Variants in KANSL1 observed in about 807,000 individuals in gnomAD.
The protein encoded by KANSL1 is MLL1/MLL complex subunit KANSL1.
KANSL1 carries 22 observed loss-of-function variants against 103.6 expected under a neutral mutation model. The ratio of observed to expected loss-of-function variants is 0.21; its 90% CI spans 0.15 to 0.30. KANSL1 has a LOEUF of 0.30. KANSL1 is among the 10% of genes least tolerant of loss of function. The pLI, the probability that KANSL1 is intolerant of heterozygous loss-of-function variation, is 1.00. For missense variants in KANSL1, 1,337 were observed against 1,399.8 expected (o/e 0.96, Z 0.72); for synonymous variants, 600 against 527.6 (o/e 1.14, Z -1.88).
At chr17:46,205,571 C>A (rs1179953376) in intron 1 of KANSL1, among the ~76,000 whole-genome samples, 2 of 151,268 alleles carry the variant, frequency 1.3e-5, no homozygotes, top group African/African-American at 4.9e-5. Context: ...ATCCCAGCTA[C>A]TCAGGAGGCT....
At chr17:46,198,422 T>TTAA (rs1567797004), upstream of KANSL1, among the ~76,000 whole-genome samples, 3 of 96,118 alleles carry the variant, frequency 3.1e-5, no homozygotes, top group Admixed American at 1.1e-4. Flanking sequence ...CTACTTTAAT[T>TTAA]AAAAAAAAAA....
rs776853040 is a variant in KANSL1, at chr17:46,034,300, T to C, written c.2542-15A>G. ...ACTGGCTGCTGCTGTAAGATAAAAA[T>C]TAAGTTTAAAAGGAAGGTACAATTT... is the stretch of plus-strand genomic sequence containing the variant. On this transcript the variant is annotated splice_polypyrimidine_tract_variant and intron_variant, in intron 10 of 14. Coordinates refer to ENST00000432791, the MANE Select transcript of KANSL1 (RefSeq NM_015443.4). 3 of 1,612,876 alleles carry C rather than the reference T, an allele frequency of 1.9e-6. No homozygotes were observed. The highest frequency in any genetic ancestry group is 2.5e-6 in the Non-Finnish European group (3 of 1,179,562).
At chr17:46,036,839 G>A (rs1240622754) in intron 10 of KANSL1, among the ~76,000 whole-genome samples, 2 of 152,004 alleles carry the variant, frequency 1.3e-5, no homozygotes, top group Non-Finnish European at 2.9e-5. Context: ...CTGCCTCAGA[G>A]TAGCTGGAAC....
At chr17:46,044,767 A>T (rs1412771098) in intron 7 of KANSL1, 1 of 152,090 alleles carries the variant, frequency 6.6e-6, no homozygotes, top group Non-Finnish European at 1.5e-5. Context: ...CACACACTTA[A>T]TGAGAGGGGC....
intron 6 of KANSL1, among the ~76,000 whole-genome samples, chr17:46,055,611 G>C (rs1033835298): frequency 6.6e-6 from 1 of 152,046 alleles, no homozygotes; most frequent in Non-Finnish European, 1.5e-5. Flanking sequence ...AGACTTGAGG[G>C]GGGAGGGGAG....
chr17:46,185,920 T>C (rs1480536391), intron 1 of KANSL1, among the ~76,000 whole-genome samples: 2 of 152,136 alleles, frequency 1.3e-5, no homozygotes, highest in Non-Finnish European at 2.9e-5. Flanking sequence ...ATCCTACTTC[T>C]ATGCTAGCAC....
intron 1 of KANSL1, among the ~76,000 whole-genome samples, chr17:46,179,810 T>C (rs1567774672): frequency 6.6e-6 from 1 of 152,250 alleles, no homozygotes. Context: ...GACTCATGCC[T>C]ATAATCCCAG....
At chr17:46,128,534 A>G (rs2043687599) in intron 2 of KANSL1, among the ~76,000 whole-genome samples, 1 of 152,246 alleles carries the variant, frequency 6.6e-6, no homozygotes, top group Non-Finnish European at 1.5e-5. Context: ...GTAAGAGGAC[A>G]GAGAGTGAAG....
At chr17:46,084,515 C>A (rs1197652329) in intron 3 of KANSL1, among the ~76,000 whole-genome samples, 2 of 151,576 alleles carry the variant, frequency 1.3e-5, no homozygotes, top group East Asian at 3.9e-4. Context: ...AACAACGTCT[C>A]CAGTAAAAAT....
chr17:46,047,923 C>T (rs2077575179), intron 7 of KANSL1, among the ~76,000 whole-genome samples: 1 of 151,866 alleles, frequency 6.6e-6, no homozygotes, highest in South Asian at 2.1e-4. Flanking sequence ...CCCCCCGCCA[C>T]CAAGACAGGG....
chr17:46,043,950 G>A (rs916930900), intron 7 of KANSL1: 3 of 148,772 alleles, frequency 2.0e-5, no homozygotes, highest in Admixed American at 6.8e-5. Context: ...TTGCTTCCAT[G>A]TTAAGAGTGA....
rs2079019268 is a variant in KANSL1 at position 46,082,424 on chromosome 17, C to G, written c.1533+17G>C. Reference sequence around the variant, plus strand: ...TTAATTCTCACGCATTTCCCCCTTTCTATCTTTTATACTTACCAATTTATC... The same window carrying G: ...TTAATTCTCACGCATTTCCCCCTTTGTATCTTTTATACTTACCAATTTATC... On this transcript the variant is annotated intron_variant, in intron 4 of 14. Coordinates refer to ENST00000432791, the MANE Select transcript of KANSL1 (RefSeq NM_015443.4). 5 of 1,529,054 alleles carry G rather than the reference C, an allele frequency of 3.3e-6. No homozygotes were observed. The highest frequency in any genetic ancestry group is 3.6e-6 in the Non-Finnish European group (4 of 1,104,776). 94.7% of individuals were successfully genotyped at this position (1,529,054 alleles called of 1,614,324 possible). A position where few individuals can be genotyped will look rare whatever the true frequency, so the allele number is the denominator to read the frequency against.
chr17:46,116,931 C>G (rs1334798216), intron 2 of KANSL1, among the ~76,000 whole-genome samples: 1 of 152,060 alleles, frequency 6.6e-6, no homozygotes, highest in Non-Finnish European at 1.5e-5. Flanking sequence ...TCTCAGTAAT[C>G]AACAGTAATA....
At position 46,052,963 on chromosome 17, in the gene KANSL1, CCAAAAAAAAAAAAAAAAAA is replaced by C. The variant is rs1424362653; in HGVS notation, c.1849-2278_1849-2260del. Among the ~76,000 whole-genome samples, 240 of 43,156 alleles carry C rather than the reference CCAAAAAAAAAAAAAAAAAA, an allele frequency of 5.6e-3. 7 individuals carry two copies. Among genetic ancestry groups the C allele is most frequent in the African/African-American group, 0.022 (214 of 9,824 alleles). The allele number at this position is 43,156 out of a possible 152,430, so 28.3% of individuals were successfully genotyped here. A position where few individuals can be genotyped will look rare whatever the true frequency, so the allele number is the denominator to read the frequency against. On this transcript the variant is annotated intron_variant, in intron 6 of 14. Transcript: ENST00000432791. ...TGGGAAAAAGAGTAAGATCCTGTCT[CCAAAAAAAAAAAAAAAAAA>C]AAAAAAAAAAAAAAAAAAAAAAAGG...
At chr17:46,053,112 AC>A (rs1473742541) in intron 6 of KANSL1, among the ~76,000 whole-genome samples, 1 of 151,584 alleles carries the variant, frequency 6.6e-6, no homozygotes, top group Admixed American at 6.6e-5. Flanking sequence ...ACATGGTGAA[AC>A]CCCGTCTCTA....
chr17:46,166,721 A>AT (rs2046019769), intron 2 of KANSL1, among the ~76,000 whole-genome samples: 1 of 152,224 alleles, frequency 6.6e-6, no homozygotes, highest in African/African-American at 2.4e-5. Flanking sequence ...GGGAAACAAA[A>AT]TGAAGCTATT....
At chr17:46,084,495 G>C (rs1003233521) in intron 3 of KANSL1, among the ~76,000 whole-genome samples, 1 of 151,574 alleles carries the variant, frequency 6.6e-6, no homozygotes, top group East Asian at 1.9e-4. Context: ...CAGCCTGGCC[G>C]ACACAGTGAA....
chr17:46,099,343 C>CA lies in KANSL1; in HGVS notation c.1290-4643dup, dbSNP rs371629378. On this transcript the variant is annotated intron_variant, in intron 2 of 14. Transcript: ENST00000432791. ...CGTCTCAAAAAAAAAAAAAACAAAA[C>CA]AAAAAAAAAACAAATACAAGCTATA... Among the ~76,000 whole-genome samples the CA allele has an allele frequency of 3.7e-3, 387 of 105,098 alleles. 15 individuals are homozygous for CA. Among genetic ancestry groups the CA allele is most frequent in the African/African-American group, 6.5e-3 (227 of 35,020 alleles). The allele number at this position is 105,098 out of a possible 152,430, so 68.9% of individuals were successfully genotyped here.
rs2146530753 is a variant in KANSL1 at position 46,055,059 on chromosome 17, C to T, written c.1849-4355G>A. On this transcript the variant is annotated intron_variant, in intron 6 of 14. Coordinates refer to ENST00000432791, the MANE Select transcript of KANSL1 (RefSeq NM_015443.4). ...AGAGACAGGGTTTCACGGTGTTAGCCAGGATGGTCTCGATCTCCTGACCTC... is the reference window on the plus strand; with the variant it reads ...AGAGACAGGGTTTCACGGTGTTAGCTAGGATGGTCTCGATCTCCTGACCTC... Among the ~76,000 whole-genome samples, 4 of 152,032 alleles carry T rather than the reference C, an allele frequency of 2.6e-5. No homozygotes were observed. The South Asian group carries it at 8.3e-4, about 32-fold the overall frequency.
Sources: gnomAD v4.1 joint callset for allele counts (sites outside exome capture counted in the v4.1 genomes callset) on GRCh38, gnomAD v4.1.1 for gene constraint, MANE v1.5 for transcripts, NCBI Gene and HGNC (gene_info 2026-07-23, HGNC 2026-07-21) for gene names.